TNRC6A: variants seen among roughly 807,000 people sequenced by gnomAD.
The protein encoded by TNRC6A is trinucleotide repeat containing adaptor 6A.
TNRC6A carries 44 observed loss-of-function variants against 221.2 expected under a neutral mutation model. The ratio of observed to expected loss-of-function variants is 0.20; its 90% CI spans 0.16 to 0.26. The LOEUF (loss-of-function observed/expected upper bound fraction) is 0.26. Among genes scored for constraint, TNRC6A ranks in the 10% least tolerant of loss-of-function variants. TNRC6A has a pLI of 1.00. For missense variants in TNRC6A, 2,199 were observed against 2,404.4 expected (o/e 0.91, Z 1.79); for synonymous variants, 847 against 838.5 (o/e 1.01, Z -0.18).
chr16:24,693,513 G>A (rs1448412901), intron 2 of TNRC6A, among the ~76,000 whole-genome samples: 5 of 152,010 alleles, frequency 3.3e-5, no homozygotes, highest in East Asian at 1.9e-4. Flanking sequence ...GCTTGAATCC[G>A]GGAGGCAGAG....
At chr16:24,637,005 C>T (rs1350844276) in intron 1 of TNRC6A, among the ~76,000 whole-genome samples, 1 of 152,002 alleles carries the variant, frequency 6.6e-6, no homozygotes, top group African/African-American at 2.4e-5. Flanking sequence ...TGCTAAATGA[C>T]ACTTTGTTGC....
At chr16:24,736,061 A>G (rs2056760070) in intron 2 of TNRC6A, among the ~76,000 whole-genome samples, 1 of 152,194 alleles carries the variant, frequency 6.6e-6, no homozygotes, top group South Asian at 2.1e-4. Context: ...GCTACTTGTG[A>G]GGGTGAGGGA....
intron 4 of TNRC6A, among the ~76,000 whole-genome samples, chr16:24,773,541 C>T (rs1417873740): frequency 1.3e-5 from 2 of 152,174 alleles, no homozygotes; most frequent in African/African-American, 4.8e-5. Flanking sequence ...TGTGTTTGTG[C>T]ACGCGTGTAC....
chr16:24,717,861 A>G (rs2056343534), intron 2 of TNRC6A, among the ~76,000 whole-genome samples: 2 of 134,860 alleles, frequency 1.5e-5, no homozygotes, highest in Admixed American at 8.9e-5. Context: ...AACCTCTGCC[A>G]CCTGGGTTCA....
rs1164353374 is a variant in TNRC6A at position 24,666,639 on chromosome 16, GAAAAAAAAAAAA to G, written n.402+25649_402+25660del. ...TGACAGAGCAAGACCCTGTCTTAGA[GAAAAAAAAAAAA>G]AAAAAAAAAAAAAAAAAATATATAT... On this transcript the variant is annotated intron_variant and non_coding_transcript_variant, in intron 2 of 2. Transcript: ENST00000566108. 3.9e-3 allele frequency among the ~76,000 whole-genome samples: 124 copies of G among 31,494 alleles called. 1 individual carries two copies. The highest frequency in any genetic ancestry group is 0.012 in the African/African-American group (106 of 8,958). 20.7% of individuals were successfully genotyped at this position (31,494 alleles called of 152,430 possible).
chr16:24,782,140 C>T (rs971939986), intron 5 of TNRC6A, among the ~76,000 whole-genome samples: 7 of 152,076 alleles, frequency 4.6e-5, no homozygotes, highest in East Asian at 1.9e-4. Flanking sequence ...CTCTTAAATG[C>T]CTCCCACTTT....
chr16:24,729,675 G>A lies in TNRC6A; in HGVS notation c.-167G>A. 3 of 696,986 alleles carry A rather than the reference G, an allele frequency of 4.3e-6. 1 individual carries two copies. Among genetic ancestry groups the A allele is most frequent in the Non-Finnish European group, 5.9e-6 (3 of 507,462 alleles). 43.2% of individuals were successfully genotyped at this position (696,986 alleles called of 1,614,324 possible). A position where few individuals can be genotyped will look rare whatever the true frequency, so the allele number is the denominator to read the frequency against. ...CACTTCCGGTCTGGGGCCTGCGGCG[G>A]CGGCGGTGTCGGCGGCGGCGGCGGC... On this transcript the variant is annotated 5_prime_UTR_variant, in exon 1 of 25. Transcript: ENST00000395799.
chr16:24,635,209 T>G (rs1251591288), intron 1 of TNRC6A, among the ~76,000 whole-genome samples: 2 of 151,362 alleles, frequency 1.3e-5, no homozygotes, highest in African/African-American at 4.9e-5. Flanking sequence ...TTCTTTGTAA[T>G]GCTGGAACTC....
At chr16:24,726,618 A>C (rs1048544052), upstream of TNRC6A, among the ~76,000 whole-genome samples, 6 of 152,134 alleles carry the variant, frequency 3.9e-5, no homozygotes, top group Non-Finnish European at 8.8e-5. Context: ...GAAGGAGGAG[A>C]GCCAGTGGAA....
chr16:24,628,976 T>C (rs1045118133), intron 1 of TNRC6A, among the ~76,000 whole-genome samples: 1 of 152,216 alleles, frequency 6.6e-6, no homozygotes, highest in Non-Finnish European at 1.5e-5. Context: ...ATTTGAGCTT[T>C]AGTGCATAGA....
chr16:24,660,265 G>T (rs959000496), intron 2 of TNRC6A, among the ~76,000 whole-genome samples: 2 of 151,866 alleles, frequency 1.3e-5, no homozygotes, highest in Admixed American at 6.6e-5. Context: ...AAAGTCCCTT[G>T]TGTCATTCTT....
chr16:24,648,505 C>T (rs576523839), intron 2 of TNRC6A, among the ~76,000 whole-genome samples: 57 of 151,994 alleles, frequency 3.8e-4, no homozygotes, highest in East Asian at 1.2e-3. Context: ...CTCCTGACCT[C>T]ATGATTCACC....
chr16:24,778,264 T>A, intron 5 of TNRC6A: 1 of 984,646 alleles, frequency 1.0e-6, no homozygotes, highest in African/African-American at 1.7e-5. Flanking sequence ...GCCAGGTAGT[T>A]ACTCACTTTC....
intron 8 of TNRC6A, 42 bp downstream of exon 8, chr16:24,794,761 A>G: frequency 1.3e-6 from 2 of 1,566,064 alleles, no homozygotes; most frequent in Non-Finnish European, 1.7e-6. Flanking sequence ...TTTAAATTCC[A>G]AAGGTAGTTT....
intron 17 of TNRC6A, 44 bp downstream of exon 17, chr16:24,806,828 T>A (rs2058442608): frequency 1.3e-6 from 2 of 1,583,972 alleles, no homozygotes; most frequent in African/African-American, 2.7e-5. Flanking sequence ...TGCTTAGGTA[T>A]CACAGGCGTG....
chr16:24,823,785 G>A lies in TNRC6A; in HGVS notation c.5867G>A (p.Gly1956Asp). 6.8e-7 allele frequency: 1 copy of A among 1,478,326 alleles called. No homozygotes were observed. The allele number at this position is 1,478,326 out of a possible 1,614,324, so 91.6% of individuals were successfully genotyped here. ...GCTTTTCTTTCTGTTGACCACCTGG[G>A]TGGGGGTGGAGAGTCCATGTAACAG... ...INAFLSVDHL[G>D]GGGESM The change falls in exon 25 of 25, where the codon GGT becomes GAT. Residue 1956 changes from glycine to aspartate, a missense_variant. Coordinates refer to ENST00000395799, the MANE Select transcript of TNRC6A (RefSeq NM_014494.4). The surrounding 1 kb of genome is among the most constrained non-coding windows in gnomAD (Gnocchi z 4.3).
At chr16:24,757,011 T>C (rs2057265640) in intron 3 of TNRC6A, among the ~76,000 whole-genome samples, 1 of 152,248 alleles carries the variant, frequency 6.6e-6, no homozygotes, top group African/African-American at 2.4e-5. Context: ...AGTGTTCATA[T>C]ACTAACTTCT....
intron 2 of TNRC6A, among the ~76,000 whole-genome samples, chr16:24,692,089 T>C (rs2055766658): frequency 6.6e-6 from 1 of 152,220 alleles, no homozygotes; most frequent in Non-Finnish European, 1.5e-5. Flanking sequence ...GCTTTCCTTT[T>C]TGACCATTGG....
At chr16:24,787,023 A>G (rs2057988398) in intron 5 of TNRC6A, among the ~76,000 whole-genome samples, 1 of 152,174 alleles carries the variant, frequency 6.6e-6, no homozygotes, top group African/African-American at 2.4e-5. Context: ...AACTAGGCAC[A>G]GAGATTGAGG....
Sources: allele counts gnomAD v4.1 joint callset (sites outside exome capture counted in the v4.1 genomes callset), GRCh38; gene constraint gnomAD v4.1.1; non-coding constraint Gnocchi (gnomAD v3.1); transcripts MANE v1.5; gene names NCBI Gene and HGNC (gene_info 2026-07-23, HGNC 2026-07-21).